The following AOPEP variants were observed in gnomAD, a reference collection of about 807,000 sequenced individuals.
The protein encoded by AOPEP is aminopeptidase O (putative).
AOPEP carries 77 observed loss-of-function variants against 98.1 expected under a neutral mutation model. That is an observed-to-expected ratio of 0.78 (90% CI 0.65 to 0.95). The LOEUF is 0.95. AOPEP is among the 40% of genes least tolerant of loss of function. The pLI is 0.00. For missense variants in AOPEP, 1,024 were observed against 1,024.7 expected, an observed-to-expected ratio of 1.00 and a Z score of 0.01; for synonymous variants, 346 against 365.3, an observed-to-expected ratio of 0.95 and a Z score of 0.60.
chr9:94,870,692 G>A (rs1341454198), intron 5 of AOPEP, among the ~76,000 whole-genome samples: 1 of 152,232 alleles, frequency 6.6e-6, no homozygotes, highest in African/African-American at 2.4e-5. Context: ...ATGACTAGAT[G>A]TACGCTGTGA....
chr9:94,818,187 A>G (rs897557095), intron 5 of AOPEP, among the ~76,000 whole-genome samples: 2 of 152,142 alleles, frequency 1.3e-5, no homozygotes, highest in South Asian at 2.1e-4. Context: ...CATCTCCAGA[A>G]CTCTTGTGGA....
At chr9:94,996,337 A>T (rs2061229130) in intron 11 of AOPEP, among the ~76,000 whole-genome samples, 1 of 142,374 alleles carries the variant, frequency 7.0e-6, no homozygotes, top group South Asian at 2.3e-4. Flanking sequence ...CATGTGGTGG[A>T]TTTTACTTGC....
the AOPEP span, among the ~76,000 whole-genome samples, chr9:95,117,949 C>A: frequency 6.6e-6 from 1 of 151,278 alleles, no homozygotes; most frequent in Non-Finnish European, 1.5e-5. Flanking sequence ...CTCGAACTCC[C>A]GACCTCAGGT....
chr9:94,855,146 C>T (rs919401611), intron 5 of AOPEP, among the ~76,000 whole-genome samples: 2 of 152,076 alleles, frequency 1.3e-5, no homozygotes, highest in South Asian at 2.1e-4. Context: ...GGTATAATCT[C>T]GGCTCACCAC....
At position 94,848,970 on chromosome 9, in the gene AOPEP, G is replaced by C. The variant is rs149626204; in HGVS notation, c.1364+47968G>C. 2.9e-3 allele frequency among the ~76,000 whole-genome samples: 443 copies of C among 152,186 alleles called. 1 individual carries two copies. Among genetic ancestry groups the C allele is most frequent in the Middle Eastern group, 0.01 (3 of 294 alleles). On this transcript the variant is annotated intron_variant, in intron 5 of 16. Coordinates refer to ENST00000375315, the MANE Select transcript of AOPEP (RefSeq NM_001193329.3). ...TTTCTTGGTATTTTTAGTAGAGACG[G>C]GTTTTACCATGTTGGCCACGCTGGT... is the stretch of plus-strand genomic sequence containing the variant.
At chr9:94,976,534 G>A (rs2059852013) in intron 10 of AOPEP, among the ~76,000 whole-genome samples, 2 of 152,038 alleles carry the variant, frequency 1.3e-5, no homozygotes, top group Admixed American at 1.3e-4. Flanking sequence ...CCTCCCTTGT[G>A]GGCTCTTCCC....
chr9:95,052,798 A>G (rs1230797734), intron 13 of AOPEP, among the ~76,000 whole-genome samples: 1 of 152,190 alleles, frequency 6.6e-6, no homozygotes, highest in Non-Finnish European at 1.5e-5. Context: ...TATATTTTAT[A>G]ATTTGTTAGT....
chr9:94,977,334 G>A (rs987466041), intron 10 of AOPEP, among the ~76,000 whole-genome samples: 1 of 152,054 alleles, frequency 6.6e-6, no homozygotes, highest in African/African-American at 2.4e-5. Flanking sequence ...GCAGCCCTGG[G>A]CTTTCAGAGC....
intron 14 of AOPEP, among the ~76,000 whole-genome samples, chr9:95,066,373 G>A (rs1018257823): frequency 3.9e-5 from 6 of 152,070 alleles, no homozygotes; most frequent in Admixed American, 1.3e-4. Flanking sequence ...TTCTTTTTTA[G>A]ATAAATAATT....
intron 13 of AOPEP, among the ~76,000 whole-genome samples, chr9:95,016,287 G>T (rs1320327100): frequency 2.3e-5 from 3 of 133,258 alleles, no homozygotes; most frequent in Middle Eastern, 5.7e-3. Context: ...CTATCGCCCA[G>T]GCTGGAGTGC....
chr9:95,075,805 T>G (rs2068990345), intron 14 of AOPEP, among the ~76,000 whole-genome samples: 1 of 152,194 alleles, frequency 6.6e-6, no homozygotes, highest in South Asian at 2.1e-4. Flanking sequence ...GAGGATCGCT[T>G]GAGCCTGGGA....
chr9:95,070,331 GTCTT>G (rs2068367149), intron 14 of AOPEP, among the ~76,000 whole-genome samples: 2 of 152,174 alleles, frequency 1.3e-5, no homozygotes, highest in Non-Finnish European at 2.9e-5. Context: ...ATGAGCCCTG[GTCTT>G]TCTGTTTACA....
chr9:94,833,384 T>G (rs2041161877), intron 5 of AOPEP, among the ~76,000 whole-genome samples: 1 of 151,792 alleles, frequency 6.6e-6, no homozygotes, highest in Non-Finnish European at 1.5e-5. Context: ...ATTACAGGTG[T>G]GTGCCACCAC....
chr9:94,850,343 T>G (rs1182766431), intron 5 of AOPEP, among the ~76,000 whole-genome samples: 3 of 152,208 alleles, frequency 2.0e-5, no homozygotes, highest in African/African-American at 7.2e-5. Flanking sequence ...AGAGAAAACC[T>G]GTCTTACCCA....
At chr9:94,740,900 A>G (rs943829071) in intron 1 of AOPEP, among the ~76,000 whole-genome samples, 1 of 152,264 alleles carries the variant, frequency 6.6e-6, no homozygotes, top group South Asian at 2.1e-4. Flanking sequence ...AAATGAGTTA[A>G]TACATTGAAA....
chr9:94,783,714 A>G (rs1027088066), intron 3 of AOPEP, among the ~76,000 whole-genome samples: 2 of 152,086 alleles, frequency 1.3e-5, no homozygotes, highest in African/African-American at 4.8e-5. Context: ...AAAATATATG[A>G]TATATACATT....
chr9:95,034,206 G>A (rs2064573079), intron 13 of AOPEP, among the ~76,000 whole-genome samples: 1 of 152,124 alleles, frequency 6.6e-6, no homozygotes, highest in African/African-American at 2.4e-5. Flanking sequence ...TTTTTTGCTT[G>A]AAGCCAAGAT....
the AOPEP span, chr9:95,126,569 AG>A: frequency 6.2e-7 from 1 of 1,614,092 alleles, no homozygotes; most frequent in South Asian, 1.1e-5. Flanking sequence ...GCAGGGTGGC[AG>A]GCTGCTTGAG....
At chr9:94,804,433 G>A (rs1375270541) in intron 5 of AOPEP, among the ~76,000 whole-genome samples, 1 of 152,112 alleles carries the variant, frequency 6.6e-6, no homozygotes, top group African/African-American at 2.4e-5. Flanking sequence ...TTTCTGTGAA[G>A]AGCACTGAAG....
Sources: allele counts gnomAD v4.1 joint callset (sites outside exome capture counted in the v4.1 genomes callset), GRCh38; gene constraint gnomAD v4.1.1; transcripts MANE v1.5; gene names NCBI Gene and HGNC (gene_info 2026-07-23, HGNC 2026-07-21).